ATP6V0D2: variants seen among roughly 807,000 people sequenced by gnomAD.
The protein encoded by ATP6V0D2 is V-type proton ATPase subunit d 2.
In ATP6V0D2, 40 loss-of-function variants were observed where a neutral mutation model predicts 40.0. That is an observed-to-expected ratio of 1.00 (90% CI 0.78 to 1.30). The LOEUF is 1.30. Among genes scored for constraint, ATP6V0D2 ranks in the 50% most tolerant of loss-of-function variants. The pLI is 0.00. For missense variants in ATP6V0D2, 470 were observed against 423.1 expected (o/e 1.11, Z -0.97); for synonymous variants, 179 against 156.3 (o/e 1.15, Z -1.08).
rs558179499 is a variant in ATP6V0D2, at chr8:86,141,335, A to G, written c.482-115A>G. The G allele has an allele frequency of 5.6e-5, 37 of 662,254 alleles. No homozygotes were observed. The Admixed American group carries it at 5.8e-4, about 10-fold the overall frequency. 41.0% of individuals were successfully genotyped at this position (662,254 alleles called of 1,614,324 possible). On this transcript the variant is annotated intron_variant, in intron 3 of 7. Transcript: ENST00000285393. ...TATTTAGTGGAGTGTATGGATTGCA[A>G]CTCTGCAGTGTTCTTGTCAGGAGTG... is the stretch of plus-strand genomic sequence containing the variant.
chr8:86,108,105 G>A (rs528658700), intron 1 of ATP6V0D2, among the ~76,000 whole-genome samples: 70 of 152,228 alleles, frequency 4.6e-4, no homozygotes, highest in African/African-American at 1.6e-3. Flanking sequence ...TCTCTATGCT[G>A]GCTCTTTACC....
At chr8:86,128,066 C>T (rs1159622160) in intron 2 of ATP6V0D2, among the ~76,000 whole-genome samples, 2 of 151,972 alleles carry the variant, frequency 1.3e-5, no homozygotes, top group African/African-American at 4.8e-5. Flanking sequence ...GACAAAGACC[C>T]TGTCTCTAAA....
chr8:86,116,076 G>GA (rs1252541700), intron 2 of ATP6V0D2, among the ~76,000 whole-genome samples: 2 of 151,912 alleles, frequency 1.3e-5, no homozygotes, highest in East Asian at 1.9e-4. Context: ...ATATCTTTAA[G>GA]AAAAAAAGAA....
chr8:86,107,221 G>T (rs995021377), intron 1 of ATP6V0D2, among the ~76,000 whole-genome samples: 3 of 152,072 alleles, frequency 2.0e-5, no homozygotes, highest in African/African-American at 7.2e-5. Flanking sequence ...GGTTTCAGGA[G>T]GAGAAGAATT....
chr8:86,125,585 G>A (rs1224605309), intron 2 of ATP6V0D2, among the ~76,000 whole-genome samples: 1 of 152,080 alleles, frequency 6.6e-6, no homozygotes, highest in African/African-American at 2.4e-5. Flanking sequence ...CTATGGAGTG[G>A]TACTAGTATT....
chr8:86,122,464 A>T (rs903332949), intron 2 of ATP6V0D2, among the ~76,000 whole-genome samples: 1 of 152,184 alleles, frequency 6.6e-6, no homozygotes, highest in African/African-American at 2.4e-5. Flanking sequence ...GGTACTGAAC[A>T]CCTTAGTTTA....
intron 2 of ATP6V0D2, among the ~76,000 whole-genome samples, chr8:86,132,730 A>T (rs1365421836): frequency 1.3e-5 from 2 of 152,216 alleles, no homozygotes; most frequent in East Asian, 3.9e-4. Context: ...TCATCTGTTG[A>T]TGGATGCTTA....
chr8:86,100,948 A>G (rs557367708), intron 1 of ATP6V0D2, among the ~76,000 whole-genome samples: 1 of 152,056 alleles, frequency 6.6e-6, no homozygotes. Context: ...CTAGGCCTGG[A>G]GAGGTGGCTC....
intron 1 of ATP6V0D2, among the ~76,000 whole-genome samples, chr8:86,109,814 T>C (rs1460391301): frequency 2.0e-5 from 3 of 152,138 alleles, no homozygotes; most frequent in Admixed American, 2.0e-4. Flanking sequence ...ATGAACAGCA[T>C]TTACGATGCA....
chr8:86,113,631 A>G, intron 1 of ATP6V0D2, 78 bp from the exon 2 acceptor site: 9 of 1,273,864 alleles, frequency 7.1e-6, no homozygotes, highest in Non-Finnish European at 9.8e-6. Context: ...CAAAATTAGC[A>G]TGAATTCAAC....
intron 5 of ATP6V0D2, among the ~76,000 whole-genome samples, chr8:86,148,706 A>G (rs1276226977): frequency 6.6e-6 from 1 of 152,164 alleles, no homozygotes; most frequent in Non-Finnish European, 1.5e-5. Context: ...TCAAAGTAGT[A>G]GGATCACACA....
Position 86,150,213 on chromosome 8 carries a change from C to T in ATP6V0D2, c.741C>T (p.Leu247=). 6.2e-7 allele frequency: 1 copy of T among 1,613,358 alleles called. No individual in the cohort carries two copies. Among genetic ancestry groups the T allele is most frequent in the South Asian group, 1.1e-5 (1 of 91,030 alleles). ...CCCTCTATCCAACCTTCGGCAAACT[C>T]TATCCTGAGGGGTTGCGGCTGTTGG... is the stretch of plus-strand genomic sequence containing the variant. The part of the protein sequence containing the change: ...RETLYPTFGK[L]YPEGLRLLAQ... The change falls in exon 6 of 8, where the codon CTC becomes CTT. Residue 247 remains leucine (L), a synonymous_variant. Transcript: ENST00000285393.
At chr8:86,117,922 A>G (rs543160047) in intron 2 of ATP6V0D2, among the ~76,000 whole-genome samples, 2 of 152,236 alleles carry the variant, frequency 1.3e-5, no homozygotes, top group South Asian at 4.2e-4. Context: ...AACTCCAGTC[A>G]GATTATGGAA....
intron 2 of ATP6V0D2, among the ~76,000 whole-genome samples, chr8:86,118,862 C>A (rs1818630283): frequency 6.6e-6 from 1 of 152,160 alleles, no homozygotes; most frequent in South Asian, 2.1e-4. Flanking sequence ...TCAATTCTTA[C>A]CATCACCATT....
intron 2 of ATP6V0D2, among the ~76,000 whole-genome samples, chr8:86,134,152 G>T (rs1460760244): frequency 1.3e-5 from 2 of 152,084 alleles, no homozygotes; most frequent in African/African-American, 4.8e-5. Flanking sequence ...GGAGCCAGAA[G>T]CAAGCGGTGT....
At chr8:86,135,555 G>A (rs544456320) in intron 2 of ATP6V0D2, among the ~76,000 whole-genome samples, 2 of 152,320 alleles carry the variant, frequency 1.3e-5, no homozygotes, top group South Asian at 4.1e-4. Context: ...ACAGCATTGA[G>A]TTGTTGTGAA....
intron 7 of ATP6V0D2, among the ~76,000 whole-genome samples, chr8:86,151,923 T>A (rs866670003): frequency 3.2e-4 from 49 of 151,258 alleles, no homozygotes; most frequent in African/African-American, 5.8e-4. Flanking sequence ...GTTTCTTTTT[T>A]AAAAAAAAAA....
rs572518857 is a variant in ATP6V0D2, at chr8:86,112,433, G to C, written c.131-1276G>C. On this transcript the variant is annotated intron_variant, in intron 1 of 7. Transcript: ENST00000285393. Reference sequence around the variant, plus strand: ...GATTTTTAAATTTTTTAATCTATGTGATCTTGAACAAGTTACTAACCTCTC... The same window carrying C: ...GATTTTTAAATTTTTTAATCTATGTCATCTTGAACAAGTTACTAACCTCTC... Among the ~76,000 whole-genome samples, 7 of 152,216 alleles carry C rather than the reference G, an allele frequency of 4.6e-5. No homozygotes were observed. The South Asian group carries it at 6.2e-4, about 14-fold the overall frequency.
At position 86,141,476 on chromosome 8, in the gene ATP6V0D2, G is replaced by A; in HGVS notation, c.508G>A (p.Glu170Lys). ...LAPFFQDCMS[E>K]NALDELNIEL... ...TCCATTCTTCCAAGACTGCATGTCTGAAAATGCTCTAGATGAACTGAATAT... is the reference window on the plus strand; with the variant it reads ...TCCATTCTTCCAAGACTGCATGTCTAAAAATGCTCTAGATGAACTGAATAT... Residue 170 changes from glutamate (E) to lysine (K), a missense_variant, in exon 4 of 8, where the codon GAA becomes AAA. Physicochemically the swap from Glu to Lys is moderately conservative, Grantham distance 56 (BLOSUM62 1). Coordinates refer to ENST00000285393, the MANE Select transcript of ATP6V0D2 (RefSeq NM_152565.1). 2.5e-6 allele frequency: 4 copies of A among 1,610,908 alleles called. No individual in the cohort carries two copies. Among genetic ancestry groups the A allele is most frequent in the Non-Finnish European group, 3.4e-6 (4 of 1,178,376 alleles).
Sources: allele counts gnomAD v4.1 joint callset (sites outside exome capture counted in the v4.1 genomes callset), GRCh38; gene constraint gnomAD v4.1.1; transcripts MANE v1.5; gene names NCBI Gene and HGNC (gene_info 2026-07-23, HGNC 2026-07-21).